MYH1: variants seen among roughly 807,000 people sequenced by gnomAD.
The protein encoded by MYH1 is myosin heavy chain 1, also known as myosin-1.
MYH1 carries 214 observed loss-of-function variants against 225.6 expected under a neutral mutation model. The observed-to-expected ratio is 0.95, with a 90% CI of 0.85 to 1.06. MYH1 has a LOEUF of 1.06. Among genes scored for constraint, MYH1 ranks in the 50% least tolerant of loss-of-function variants. MYH1 has a pLI of 0.00. For synonymous variants in MYH1, 774 were observed against 842.3 expected (o/e 0.92, Z 1.40); for missense variants, 2,098 against 2,344.2 (o/e 0.89, Z 2.17).
intron 31 of MYH1, 63 bp from the exon 32 acceptor site, chr17:10,497,515 A>G: frequency 1.3e-6 from 2 of 1,550,324 alleles, no homozygotes; most frequent in South Asian, 1.3e-5. Flanking sequence ...AAAACCATCT[A>G]TTCTAGCACC....
At position 10,500,487 on chromosome 17, in the gene MYH1, G is replaced by T; in HGVS notation, c.3865+139C>A. The T allele has an allele frequency of 3.2e-6, 4 of 1,252,298 alleles. No homozygotes were observed. The South Asian group carries it at 4.8e-5, about 15-fold the overall frequency. 77.6% of individuals were successfully genotyped at this position (1,252,298 alleles called of 1,614,324 possible). A position where few individuals can be genotyped will look rare whatever the true frequency, so the allele number is the denominator to read the frequency against. Reference sequence around the variant, plus strand: ...GAAAGAAAGCAACCTCATGCCAGTGGTCAATAATGTGTTCATATTAGTGGG... The same window carrying T: ...GAAAGAAAGCAACCTCATGCCAGTGTTCAATAATGTGTTCATATTAGTGGG... On this transcript the variant is annotated intron_variant, in intron 28 of 39. Coordinates refer to ENST00000226207, the MANE Select transcript of MYH1 (RefSeq NM_005963.4).
intron 39 of MYH1, among the ~76,000 whole-genome samples, chr17:10,493,855 C>T (rs894316804): frequency 1.5e-4 from 23 of 152,244 alleles, no homozygotes; most frequent in African/African-American, 5.3e-4. Context: ...CTGCTCCACT[C>T]TCTTATCCAA....
At chr17:10,496,186 A>T (rs756313474) in intron 34 of MYH1, 33 bp from the exon 35 acceptor site, 1 of 1,614,144 alleles carries the variant, frequency 6.2e-7, no homozygotes, top group South Asian at 1.1e-5. Flanking sequence ...GACACCATGT[A>T]TTCAGGGTTG....
chr17:10,501,400 T>C lies in MYH1; in HGVS notation c.3448A>G (p.Ile1150Val), dbSNP rs1006399057. Residue 1150 changes from isoleucine to valine, a missense_variant, in exon 27 of 40, where the codon ATC (isoleucine) becomes GTC (valine). By Grantham distance (29) the Ile-to-Val change is conservative. Coordinates refer to ENST00000226207, the MANE Select transcript of MYH1 (RefSeq NM_005963.4). ...RSDLSRELEE[I>V]SERLEEAGGA... ...CCGGCTTCTTCCAGCCTCTCGCTGA[T>C]CTCCTCCAGCTCCCGGGAGAGATCA... The C allele has an allele frequency of 1.2e-6, 2 of 1,614,076 alleles. No individual in the cohort carries two copies. The highest frequency in any genetic ancestry group is 2.7e-5 in the African/African-American group (2 of 74,946).
intron 15 of MYH1, among the ~76,000 whole-genome samples, chr17:10,509,017 G>A (rs1464186084): frequency 6.6e-6 from 1 of 152,098 alleles, no homozygotes; most frequent in Admixed American, 6.5e-5. Flanking sequence ...TGAGGATTCC[G>A]ATGTTTCATC....
chr17:10,499,430 A>G (rs1006777591), intron 28 of MYH1, among the ~76,000 whole-genome samples: 2 of 152,232 alleles, frequency 1.3e-5, no homozygotes, highest in Admixed American at 1.3e-4. Context: ...GTAAGGCAGT[A>G]GTGTTGTCTA....
Position 10,495,931 on chromosome 17 carries a change from A to T in MYH1, c.5169+19T>A, listed in dbSNP as rs772247106. 1 of 1,613,762 alleles carries T rather than the reference A, an allele frequency of 6.2e-7. No individual in the cohort carries two copies. The highest frequency in any genetic ancestry group is 8.5e-7 in the Non-Finnish European group (1 of 1,179,784). Reference sequence around the variant, plus strand: ...TTTTCATACCCTTGTATTTGTTGCTATTCTATTATTACATGCACCTGGGTG... The same window carrying T: ...TTTTCATACCCTTGTATTTGTTGCTTTTCTATTATTACATGCACCTGGGTG... On this transcript the variant is annotated intron_variant, in intron 35 of 39. Coordinates refer to ENST00000226207, the MANE Select transcript of MYH1 (RefSeq NM_005963.4).
chr17:10,504,837 T>C lies in MYH1; in HGVS notation c.2664A>G (p.Lys888=). 1 of 1,614,042 alleles carries C rather than the reference T, an allele frequency of 6.2e-7. No individual in the cohort carries two copies. Among genetic ancestry groups the C allele is most frequent in the Non-Finnish European group, 8.5e-7 (1 of 1,180,004 alleles). Residue 888 remains lysine (K), a synonymous_variant, in exon 22 of 40, where the codon AAA becomes AAG. Coordinates refer to ENST00000226207, the MANE Select transcript of MYH1 (RefSeq NM_005963.4). ...CTTGAACCTGGAGTTGCAAGTCATTTTTTTCTTGCATCAGAGTAACCATTT... is the reference window on the plus strand; with the variant it reads ...CTTGAACCTGGAGTTGCAAGTCATTCTTTTCTTGCATCAGAGTAACCATTT... ...EEKMVTLMQE[K]NDLQLQVQAE...
Position 10,516,308 on chromosome 17 carries a change from A to T in MYH1, c.239T>A (p.Met80Lys), listed in dbSNP as rs770723956. The change falls in exon 4 of 40, where the codon ATG becomes AAG. Residue 80 changes from methionine (M) to lysine (K), a missense_variant. Physicochemically the swap from Met to Lys is moderately conservative, Grantham distance 95. Coordinates refer to ENST00000226207, the MANE Select transcript of MYH1 (RefSeq NM_005963.4). ...VTVKDDQVFP[M>K]NPPKYDKIED... ...GATCTTGTCATATTTGGGAGGGTTC[A>T]TGGGGAAGACTTGGTCATCTTTCAC... The T allele has an allele frequency of 2.5e-6, 4 of 1,614,198 alleles. No individual in the cohort carries two copies. Among genetic ancestry groups the T allele is most frequent in the Non-Finnish European group, 3.4e-6 (4 of 1,180,034 alleles).
At chr17:10,500,526 G>C in intron 28 of MYH1, 100 bp downstream of exon 28, 1 of 1,547,654 alleles carries the variant, frequency 6.5e-7, no homozygotes, top group South Asian at 1.2e-5. Flanking sequence ...CTCCCAGGGA[G>C]GTAGTATATG....
chr17:10,501,725 G>C (rs753433632), intron 25 of MYH1, 41 bp from the exon 26 acceptor site: 7 of 1,613,954 alleles, frequency 4.3e-6, no homozygotes, highest in Non-Finnish European at 5.9e-6. Flanking sequence ...GAAATATTAA[G>C]AGTAATTTCC....
intron 27 of MYH1, 130 bp from the exon 28 acceptor site, chr17:10,500,882 A>G (rs1289418128): frequency 2.8e-6 from 4 of 1,430,854 alleles, no homozygotes; most frequent in Admixed American, 2.0e-5. Flanking sequence ...TACAAACAAA[A>G]CCAGCAAAGG....
rs1044375033 is a variant in MYH1 at position 10,495,432 on chromosome 17, T to C, written c.5170-115A>G. 5.2e-6 allele frequency: 7 copies of C among 1,358,546 alleles called. No homozygotes were observed. In the African/African-American group the frequency reaches 1.0e-4, roughly 20 times the overall value. The allele number at this position is 1,358,546 out of a possible 1,614,324, so 84.2% of individuals were successfully genotyped here. On this transcript the variant is annotated intron_variant, in intron 35 of 39. Transcript: ENST00000226207. ...AAATGAATTCATTAATATTCCTCCT[T>C]GTTTCATAAATTATCTGAGTTGACA...
Position 10,499,226 on chromosome 17 carries a change from C to T in MYH1, c.3866-134G>A, listed in dbSNP as rs565110186. 116 of 737,496 alleles carry T rather than the reference C, an allele frequency of 1.6e-4. 1 individual carries two copies. Among genetic ancestry groups the T allele is most frequent in the South Asian group, 9.6e-4 (61 of 63,402 alleles). 45.7% of individuals were successfully genotyped at this position (737,496 alleles called of 1,614,324 possible). The stretch of plus-strand genomic sequence containing the variant: ...TGGGTGACAACAAACCACCAACATC[C>T]GCTTTAACCTTGATAAGCAGATCCA... On this transcript the variant is annotated intron_variant, in intron 28 of 39. Coordinates refer to ENST00000226207, the MANE Select transcript of MYH1 (RefSeq NM_005963.4).
rs1361607214 is a variant in MYH1 at position 10,512,398 on chromosome 17, C to T, written c.1147+10G>A. 1.9e-6 allele frequency: 3 copies of T among 1,613,998 alleles called. No homozygotes were observed. Among genetic ancestry groups the T allele is most frequent in the Non-Finnish European group, 2.5e-6 (3 of 1,180,000 alleles). ...CTCTCATTAAACCCAGATGGAGATT[C>T]ATTTGGTACCTTCAGTGCCATCTGG... On this transcript the variant is annotated intron_variant, in intron 12 of 39. Transcript: ENST00000226207.
chr17:10,513,733 C>A (rs748274154), intron 8 of MYH1, 44 bp from the exon 9 acceptor site: 3 of 1,612,294 alleles, frequency 1.9e-6, no homozygotes, highest in Middle Eastern at 1.6e-4. Flanking sequence ...GCTTGAAGTA[C>A]GTAGTGGGGA....
intron 13 of MYH1, 41 bp downstream of exon 13, chr17:10,512,033 A>G (rs1271733015): frequency 6.2e-7 from 1 of 1,613,956 alleles, no homozygotes; most frequent in African/African-American, 1.3e-5. Flanking sequence ...CATGTCATGA[A>G]GGCCTGGGAT....
intron 14 of MYH1, among the ~76,000 whole-genome samples, chr17:10,510,125 T>C (rs2073156894): frequency 1.3e-5 from 2 of 151,994 alleles, no homozygotes; most frequent in African/African-American, 2.4e-5. Flanking sequence ...TCGCAAACCT[T>C]CACATGGACC....
chr17:10,496,447 T>G lies in MYH1; in HGVS notation c.4759A>C (p.Ile1587Leu). The G allele has an allele frequency of 6.2e-7, 1 of 1,614,042 alleles. No homozygotes were observed. The highest frequency in any genetic ancestry group is 1.1e-5 in the South Asian group (1 of 91,066). The stretch of plus-strand genomic sequence containing the variant: ...ATGTGGTTTCTCTTCATCTGGTCAA[T>G]TTCCTCATCTTTTTCAGCAATTTTC... ...DRKIAEKDEE[I>L]DQMKRNHIRI... The change falls in exon 34 of 40, where the codon ATT becomes CTT. Residue 1587 changes from isoleucine to leucine, a missense_variant. Ile to Leu is a conservative substitution (Grantham distance 5). Transcript: ENST00000226207.
Sources: allele counts gnomAD v4.1 joint callset (sites outside exome capture counted in the v4.1 genomes callset), GRCh38; gene constraint gnomAD v4.1.1; transcripts MANE v1.5; gene names NCBI Gene and HGNC (gene_info 2026-07-23, HGNC 2026-07-21).